Variants in WDR17 observed in about 807,000 individuals in gnomAD.
The protein encoded by WDR17 is WD repeat-containing protein 17.
Under a neutral mutation model 161.7 loss-of-function variants are expected in WDR17, and 143 were observed. The ratio of observed to expected loss-of-function variants is 0.88; its 90% confidence interval spans 0.77 to 1.02. The LOEUF (loss-of-function observed/expected upper bound fraction) is 1.02. WDR17 is among the 50% of genes least tolerant of loss of function. The probability of loss-of-function intolerance (pLI) is 0.00; values close to 1 mark genes in which losing one functional copy is unlikely to be tolerated. For synonymous variants in WDR17, 517 were observed against 515.6 expected (o/e 1.00, Z -0.04); for missense variants, 1,469 against 1,520.9 (o/e 0.97, Z 0.57).
intron 11 of WDR17, among the ~76,000 whole-genome samples, chr4:176,144,410 T>C (rs9996621): frequency 0.047 from 7,176 of 152,248 alleles, 507 homozygotes; most frequent in African/African-American, 0.15. Context: ...ACTCAGTTGC[T>C]GACCCTCACT....
rs116733337 is a variant in WDR17 at position 176,105,938 on chromosome 4, A to G, written c.-6-5637A>G. ...AATTGTCAAACCTGTAGCTGGATAA[A>G]CTAAGAAAAAGAGAGAAGACTCAAA... On this transcript the variant is annotated intron_variant, in intron 1 of 28. Coordinates refer to ENST00000508596, the MANE Select transcript of WDR17 (RefSeq NM_181265.4). Among the ~76,000 whole-genome samples the G allele has an allele frequency of 3.8e-3, 574 of 152,228 alleles. 3 individuals carry two copies. Among genetic ancestry groups the G allele is most frequent in the African/African-American group, 0.013 (538 of 41,582 alleles).
At chr4:176,096,422 G>T in intron 1 of WDR17, 1 of 880,368 alleles carries the variant, frequency 1.1e-6, no homozygotes, top group Non-Finnish European at 1.7e-6. Flanking sequence ...GGGAGATTTT[G>T]GTAAATCTTG....
intron 1 of WDR17, among the ~76,000 whole-genome samples, chr4:176,091,179 A>C (rs1014871948): frequency 9.9e-5 from 15 of 152,226 alleles, no homozygotes; most frequent in Non-Finnish European, 1.8e-4. Flanking sequence ...CATTTTATCC[A>C]ACAGCTGCAG....
chr4:176,169,641 G>A (rs1579255300), intron 23 of WDR17, among the ~76,000 whole-genome samples: 2 of 152,180 alleles, frequency 1.3e-5, no homozygotes, highest in African/African-American at 2.4e-5. Context: ...TATTTGAACC[G>A]TGATTTTTTT....
chr4:176,092,443 C>T (rs78117277), intron 1 of WDR17, among the ~76,000 whole-genome samples: 1,782 of 152,108 alleles, frequency 0.012, 19 homozygotes, highest in Non-Finnish European at 0.019. Flanking sequence ...GAACATAACA[C>T]GACACAATAA....
intron 1 of WDR17, among the ~76,000 whole-genome samples, chr4:176,105,274 G>T (rs1200459754): frequency 6.6e-6 from 1 of 151,962 alleles, no homozygotes; most frequent in African/African-American, 2.4e-5. Context: ...TACAATAATA[G>T]TTGGATAATT....
chr4:176,103,660 CAT>C (rs1738196388), intron 1 of WDR17, among the ~76,000 whole-genome samples: 1 of 151,840 alleles, frequency 6.6e-6, no homozygotes, highest in Non-Finnish European at 1.5e-5. Flanking sequence ...AATTCAAAGA[CAT>C]ATTTAAGAAG....
chr4:176,176,568 C>T (rs1398573083), intron 26 of WDR17, among the ~76,000 whole-genome samples: 2 of 152,186 alleles, frequency 1.3e-5, no homozygotes, highest in African/African-American at 4.8e-5. Context: ...TATATTCAGG[C>T]ATAGCGTACT....
rs192162481 is a variant in WDR17 at position 176,137,854 on chromosome 4, T to C, written c.1359+243T>C. Among the ~76,000 whole-genome samples, 10 of 151,738 alleles carry C rather than the reference T, an allele frequency of 6.6e-5. No individual in the cohort carries two copies. In the East Asian group the frequency reaches 1.9e-3, roughly 29 times the overall value. On this transcript the variant is annotated intron_variant, in intron 9 of 28. Transcript: ENST00000508596. Reference sequence around the variant, plus strand: ...TTTTTGAGTCATCCTCCACAAAATCTGGGCAAATACAAAATAATAGGAAGA... The same window carrying C: ...TTTTTGAGTCATCCTCCACAAAATCCGGGCAAATACAAAATAATAGGAAGA...
intron 9 of WDR17, among the ~76,000 whole-genome samples, chr4:176,138,993 C>A (rs1348952118): frequency 6.6e-6 from 1 of 151,754 alleles, no homozygotes; most frequent in East Asian, 1.9e-4. Context: ...AGAAGGCCTC[C>A]ACCCTATAAA....
At chr4:176,120,147 A>G (rs749167004) in intron 4 of WDR17, 50 bp downstream of exon 4, 4 of 1,429,146 alleles carry the variant, frequency 2.8e-6, no homozygotes, top group East Asian at 2.5e-5. Flanking sequence ...TTTCTTATAT[A>G]TAATTTTGTA....
chr4:176,074,880 G>T (rs1733771365), intron 1 of WDR17, among the ~76,000 whole-genome samples: 1 of 128,526 alleles, frequency 7.8e-6, no homozygotes, highest in Non-Finnish European at 1.6e-5. Flanking sequence ...TATTTATTGA[G>T]TGGATGAGTA....
At chr4:176,135,314 A>G in intron 8 of WDR17, 38 bp downstream of exon 8, 1 of 1,604,176 alleles carries the variant, frequency 6.2e-7, no homozygotes, top group Non-Finnish European at 8.5e-7. Context: ...ATACAATGAA[A>G]TGGCTTTTTA....
At position 176,173,248 on chromosome 4, in the gene WDR17, T is replaced by A; in HGVS notation, c.3245-19T>A. ...AGACTGTTATTTAATGAATCTTCCA[T>A]CTGGTTTAATTTTTCCAGAATACAT... is the stretch of plus-strand genomic sequence containing the variant. On this transcript the variant is annotated intron_variant, in intron 24 of 28. Transcript: ENST00000508596. 1.3e-6 allele frequency: 2 copies of A among 1,520,988 alleles called. No individual in the cohort carries two copies. The highest frequency in any genetic ancestry group is 1.8e-6 in the Non-Finnish European group (2 of 1,113,128). 94.2% of individuals were successfully genotyped at this position (1,520,988 alleles called of 1,614,324 possible).
intron 4 of WDR17, among the ~76,000 whole-genome samples, chr4:176,124,253 G>T (rs1478597659): frequency 2.0e-5 from 3 of 152,152 alleles, no homozygotes; most frequent in African/African-American, 7.2e-5. Context: ...AGAATGAGAG[G>T]ACTTGCCCAG....
intron 3 of WDR17, among the ~76,000 whole-genome samples, chr4:176,118,001 G>T (rs1251795720): frequency 1.3e-5 from 2 of 151,714 alleles, no homozygotes; most frequent in African/African-American, 2.4e-5. Flanking sequence ...TCTTGCCTCT[G>T]TATTTTTACT....
intron 2 of WDR17, among the ~76,000 whole-genome samples, chr4:176,112,827 T>G (rs1038242129): frequency 1.3e-5 from 2 of 152,250 alleles, no homozygotes; most frequent in African/African-American, 4.8e-5. Flanking sequence ...ATGAATGAAT[T>G]AAGGAAAGAA....
chr4:176,072,758 A>G (rs563264753), intron 1 of WDR17, among the ~76,000 whole-genome samples: 99 of 152,310 alleles, frequency 6.5e-4, no homozygotes, highest in African/African-American at 2.3e-3. Context: ...ACATTTCAAC[A>G]ATGTGTTTTT....
intron 1 of WDR17, among the ~76,000 whole-genome samples, chr4:176,075,112 A>G (rs1240109264): frequency 6.6e-6 from 1 of 151,982 alleles, no homozygotes; most frequent in Non-Finnish European, 1.5e-5. Context: ...ATTAATTTAT[A>G]ACTACTCTTT....
Sources: gnomAD v4.1 joint callset for allele counts (sites outside exome capture counted in the v4.1 genomes callset) on GRCh38, gnomAD v4.1.1 for gene constraint, MANE v1.5 for transcripts, NCBI Gene and HGNC (gene_info 2026-07-23, HGNC 2026-07-21) for gene names.